The following SNX9 variants were observed in gnomAD, a reference collection of about 807,000 sequenced individuals.
SNX9 encodes the protein sorting nexin 9.
A neutral mutation model predicts 89.4 loss-of-function variants in SNX9; 44 were observed. That is an observed-to-expected ratio of 0.49 (90% CI 0.39 to 0.63). SNX9 has a LOEUF of 0.63. Among genes scored for constraint, SNX9 ranks in the 30% least tolerant of loss-of-function variants. The pLI, the probability that SNX9 is intolerant of heterozygous loss-of-function variation, is 0.00. For synonymous variants in SNX9, 236 were observed against 247.8 expected, an observed-to-expected ratio of 0.95 and a Z score of 0.45; for missense variants, 578 against 736.1, an observed-to-expected ratio of 0.79 and a Z score of 2.49.
intron 3 of SNX9, chr6:157,874,836 A>G (rs1381756622): frequency 4.5e-6 from 2 of 447,006 alleles, no homozygotes; most frequent in South Asian, 7.5e-5. Context: ...GCATGGATCA[A>G]AGAAGAAATC....
intron 4 of SNX9, among the ~76,000 whole-genome samples, chr6:157,875,670 T>C (rs1782504325): frequency 6.6e-6 from 1 of 152,204 alleles, no homozygotes; most frequent in African/African-American, 2.4e-5. Flanking sequence ...CTTGGTACTC[T>C]TATTGTATTG....
chr6:157,922,792 A>G lies in SNX9; in HGVS notation c.1080+1131A>G, dbSNP rs529699745. On this transcript the variant is annotated intron_variant, in intron 10 of 17. Coordinates refer to ENST00000392185, the MANE Select transcript of SNX9 (RefSeq NM_016224.5). ...TCCTCACCATGTCTTATGAATTTGT[A>G]TATGTTTATGGTGAGATAGGGTACT... is the stretch of plus-strand genomic sequence containing the variant. Among the ~76,000 whole-genome samples, 5 of 152,300 alleles carry G rather than the reference A, an allele frequency of 3.3e-5. No individual in the cohort carries two copies. In the East Asian group the frequency reaches 9.6e-4, roughly 29 times the overall value.
intron 13 of SNX9, among the ~76,000 whole-genome samples, chr6:157,933,564 G>A (rs1008488076): frequency 2.6e-5 from 4 of 152,188 alleles, no homozygotes; most frequent in Non-Finnish European, 4.4e-5. Context: ...GACCAGAAGC[G>A]GGCTTTGAGG....
intron 1 of SNX9, among the ~76,000 whole-genome samples, chr6:157,840,858 A>G (rs1562591081): frequency 6.6e-6 from 1 of 152,216 alleles, no homozygotes; most frequent in Non-Finnish European, 1.5e-5. Flanking sequence ...ATATACTGAA[A>G]GTGAATACAA....
chr6:157,894,335 C>G (rs1229428146), intron 4 of SNX9, among the ~76,000 whole-genome samples: 1 of 151,154 alleles, frequency 6.6e-6, no homozygotes, highest in Admixed American at 6.6e-5. Context: ...ATCTCAAACT[C>G]CTGACCTCAG....
chr6:157,888,174 ACT>A (rs1305495117), intron 4 of SNX9, among the ~76,000 whole-genome samples: 4 of 151,888 alleles, frequency 2.6e-5, no homozygotes, highest in East Asian at 3.9e-4. Flanking sequence ...TTTTGTCTGG[ACT>A]CTCTCACATA....
intron 1 of SNX9, among the ~76,000 whole-genome samples, chr6:157,837,907 A>G (rs1781616988): frequency 6.6e-6 from 1 of 152,252 alleles, no homozygotes; most frequent in African/African-American, 2.4e-5. Context: ...ACCATTAATT[A>G]TGGAAGGAAT....
chr6:157,867,500 C>G, intron 1 of SNX9, 47 bp from the exon 2 acceptor site: 1 of 1,492,746 alleles, frequency 6.7e-7, no homozygotes. Context: ...GTTTTTACTA[C>G]TCTGTTTGTG....
chr6:157,884,504 T>G (rs1307922586), intron 4 of SNX9, among the ~76,000 whole-genome samples: 1 of 152,230 alleles, frequency 6.6e-6, no homozygotes, highest in Non-Finnish European at 1.5e-5. Flanking sequence ...ATAAGTCTTA[T>G]AATGCCTTAG....
chr6:157,865,340 G>GAAAA (rs541824549), intron 1 of SNX9, among the ~76,000 whole-genome samples: 5 of 95,478 alleles, frequency 5.2e-5, no homozygotes, highest in African/African-American at 1.8e-4. Flanking sequence ...ACAGTCTCAG[G>GAAAA]AAAAAAAAAA....
chr6:157,933,513 C>T (rs919662431), intron 13 of SNX9, among the ~76,000 whole-genome samples: 1 of 152,196 alleles, frequency 6.6e-6, no homozygotes, highest in Non-Finnish European at 1.5e-5. Context: ...CAATAGTTCT[C>T]ATTGCCCTGG....
At chr6:157,873,066 C>CTTT in intron 2 of SNX9, 36 bp from the exon 3 acceptor site, 1 of 1,390,494 alleles carries the variant, frequency 7.2e-7, no homozygotes, top group Non-Finnish European at 9.6e-7. Flanking sequence ...CAACTGTAAT[C>CTTT]TTTTTCTTTT....
intron 6 of SNX9, among the ~76,000 whole-genome samples, chr6:157,904,306 C>T (rs1445072520): frequency 6.6e-6 from 1 of 152,160 alleles, no homozygotes; most frequent in African/African-American, 2.4e-5. Context: ...CGTGGTGGCA[C>T]GCCTGTAATC....
At chr6:157,833,067 T>A (rs369757758) in intron 1 of SNX9, among the ~76,000 whole-genome samples, 6 of 152,188 alleles carry the variant, frequency 3.9e-5, no homozygotes, top group Non-Finnish European at 8.8e-5. Context: ...CCTAGGACAG[T>A]TGACATTCAG....
Position 157,823,441 on chromosome 6 carries a change from A to G in SNX9, c.7A>G (p.Thr3Ala). Residue 3 changes from threonine (T) to alanine (A), a missense_variant, in exon 1 of 18, where the codon ACC becomes GCC. This residue lies in a region of SNX9 where 230 missense variants were observed against 244.7 expected (regional missense o/e 0.94). Coordinates refer to ENST00000392185, the MANE Select transcript of SNX9 (RefSeq NM_016224.5). The surrounding 1 kb of genome is among the most constrained non-coding windows in gnomAD (Gnocchi z 4.6). ...GCCGGGGGACCCGCCCGCCATGGCCACCAAGGTGAGGGGCGCGCGGCGCAG... is the reference window on the plus strand; with the variant it reads ...GCCGGGGGACCCGCCCGCCATGGCCGCCAAGGTGAGGGGCGCGCGGCGCAG... Reference protein sequence around the residue: MATKARVMYDFAA... With the variant: MAAKARVMYDFAA... The G allele has an allele frequency of 8.1e-7, 1 of 1,236,644 alleles. No individual in the cohort carries two copies. The highest frequency in any genetic ancestry group is 1.0e-6 in the Non-Finnish European group (1 of 992,106). 76.6% of individuals were successfully genotyped at this position (1,236,644 alleles called of 1,614,324 possible).
intron 4 of SNX9, among the ~76,000 whole-genome samples, chr6:157,878,997 G>A (rs1298118352): frequency 6.6e-6 from 1 of 152,168 alleles, no homozygotes; most frequent in Non-Finnish European, 1.5e-5. Context: ...CAAACTAGCA[G>A]AGAATGAAAA....
chr6:157,911,112 C>CAAAT (rs3838669), intron 9 of SNX9, among the ~76,000 whole-genome samples: 8,590 of 150,544 alleles, frequency 0.057, 680 homozygotes, highest in African/African-American at 0.18. Flanking sequence ...GACTCTGTCT[C>CAAAT]AAATAAATAA....
At position 157,923,785 on chromosome 6, in the gene SNX9, T is replaced by C. The variant is rs997274117; in HGVS notation, c.1080+2124T>C. On this transcript the variant is annotated intron_variant, in intron 10 of 17. Coordinates refer to ENST00000392185, the MANE Select transcript of SNX9 (RefSeq NM_016224.5). ...TAGAGCAGAGTAGACACTTGATCTATGACAAAGATGGCACTGGGCGTAGTA... is the reference window on the plus strand; with the variant it reads ...TAGAGCAGAGTAGACACTTGATCTACGACAAAGATGGCACTGGGCGTAGTA... 3.0e-4 allele frequency among the ~76,000 whole-genome samples: 45 copies of C among 152,214 alleles called. 1 individual carries two copies. Among genetic ancestry groups the C allele is most frequent in the Non-Finnish European group, 2.9e-5 (2 of 68,042 alleles).
At chr6:157,853,663 G>A (rs929126561) in intron 1 of SNX9, among the ~76,000 whole-genome samples, 1 of 152,116 alleles carries the variant, frequency 6.6e-6, no homozygotes, top group African/African-American at 2.4e-5. Context: ...ACCACCTTTT[G>A]TAGGAATCAG....
Sources: gnomAD v4.1 joint callset for allele counts (sites outside exome capture counted in the v4.1 genomes callset) on GRCh38, gnomAD v4.1.1 for gene constraint, gnomAD v4.1.1 regional missense constraint, Gnocchi (gnomAD v3.1) non-coding constraint, MANE v1.5 for transcripts, NCBI Gene and HGNC (gene_info 2026-07-23, HGNC 2026-07-21) for gene names.